Variants in ACKR2 observed in about 807,000 individuals in gnomAD.
ACKR2 encodes the protein atypical chemokine receptor 2.
For synonymous variants in ACKR2, 207 were observed against 192.2 expected, an observed-to-expected ratio of 1.08 and a Z score of -0.64; for missense variants, 457 against 477.3, an observed-to-expected ratio of 0.96 and a Z score of 0.40.
At chr3:42,862,049 G>A (rs1478173640) in intron 2 of ACKR2, among the ~76,000 whole-genome samples, 2 of 152,228 alleles carry the variant, frequency 1.3e-5, no homozygotes, top group Non-Finnish European at 2.9e-5. Context: ...AAGCGTATTC[G>A]AATAGGAAGA....
chr3:42,851,639 A>G (rs1440257706), intron 2 of ACKR2, among the ~76,000 whole-genome samples: 1 of 151,964 alleles, frequency 6.6e-6, no homozygotes, highest in Non-Finnish European at 1.5e-5. Flanking sequence ...CTGGAGAGTG[A>G]TGGGTCTTCT....
At chr3:42,840,874 G>A (rs9830658) in intron 2 of ACKR2, among the ~76,000 whole-genome samples, 2,355 of 152,220 alleles carry the variant, frequency 0.015, 61 homozygotes, top group African/African-American at 0.053. Context: ...ATTTTTAGTA[G>A]AGACAGGGTT....
intron 2 of ACKR2, among the ~76,000 whole-genome samples, chr3:42,838,017 C>T (rs1701001965): frequency 6.6e-6 from 1 of 152,042 alleles, no homozygotes; most frequent in South Asian, 2.1e-4. Flanking sequence ...TTCAAATAGC[C>T]TTCCAAGGTT....
chr3:42,821,634 CCTCT>C (rs1388642209), intron 2 of ACKR2, among the ~76,000 whole-genome samples: 2 of 152,222 alleles, frequency 1.3e-5, no homozygotes, highest in African/African-American at 4.8e-5. Context: ...CACTCTCTTG[CCTCT>C]CTATCTTTTC....
chr3:42,845,908 A>G (rs1701089825), intron 2 of ACKR2, among the ~76,000 whole-genome samples: 2 of 151,962 alleles, frequency 1.3e-5, no homozygotes, highest in South Asian at 2.1e-4. Flanking sequence ...GAAAAACAAC[A>G]TCATAAAACT....
At chr3:42,824,375 A>G (rs1395227275) in intron 2 of ACKR2, among the ~76,000 whole-genome samples, 2 of 152,200 alleles carry the variant, frequency 1.3e-5, no homozygotes, top group Non-Finnish European at 2.9e-5. Flanking sequence ...AGGGCTGACT[A>G]TATACATAAA....
chr3:42,823,602 T>C (rs1022666423), intron 2 of ACKR2, among the ~76,000 whole-genome samples: 3 of 152,202 alleles, frequency 2.0e-5, no homozygotes, highest in African/African-American at 7.2e-5. Context: ...CTTTGGGCTC[T>C]CTGCACTGTG....
chr3:42,827,580 A>G (rs1025076267), intron 2 of ACKR2, among the ~76,000 whole-genome samples: 11 of 152,136 alleles, frequency 7.2e-5, no homozygotes, highest in Non-Finnish European at 1.3e-4. Context: ...ACTACCTACA[A>G]TGGATTATGG....
intron 2 of ACKR2, among the ~76,000 whole-genome samples, chr3:42,859,020 A>C (rs1010211083): frequency 6.6e-6 from 1 of 152,146 alleles, no homozygotes; most frequent in Non-Finnish European, 1.5e-5. Flanking sequence ...GAAATATGAG[A>C]CTATGTGAAA....
chr3:42,828,823 A>G (rs1033038485), intron 2 of ACKR2, among the ~76,000 whole-genome samples: 2 of 152,226 alleles, frequency 1.3e-5, no homozygotes, highest in Non-Finnish European at 2.9e-5. Flanking sequence ...ATAGAATCAT[A>G]ATGTGAAGTA....
intron 2 of ACKR2, chr3:42,851,523 A>C (rs1477874572): frequency 2.5e-6 from 2 of 798,606 alleles, no homozygotes; most frequent in Non-Finnish European, 3.0e-6. Flanking sequence ...GGAGAGACTG[A>C]ACCCAGTGGC....
intron 2 of ACKR2, among the ~76,000 whole-genome samples, chr3:42,836,640 G>A (rs1700990112): frequency 6.6e-6 from 1 of 152,208 alleles, no homozygotes; most frequent in Admixed American, 6.5e-5. Flanking sequence ...GCCACAAGGT[G>A]CACAACCAGC....
chr3:42,864,523 G>C lies in ACKR2; in HGVS notation c.21G>C (p.Pro7=). 6.2e-7 allele frequency: 1 copy of C among 1,604,986 alleles called. No homozygotes were observed. Among genetic ancestry groups the C allele is most frequent in the Non-Finnish European group, 8.5e-7 (1 of 1,174,224 alleles). MAATAS[P]QPLATEDADS... is the part of the protein sequence containing the mutation. ...CCAACATGGCCGCCACTGCCTCTCCGCAGCCACTCGCCACTGAGGATGCCG... is the reference window on the plus strand; with the variant it reads ...CCAACATGGCCGCCACTGCCTCTCCCCAGCCACTCGCCACTGAGGATGCCG... The change falls in exon 3 of 3, where the codon CCG becomes CCC. Residue 7 remains proline, a synonymous_variant. Coordinates refer to ENST00000422265, the MANE Select transcript of ACKR2 (RefSeq NM_001296.5).
In ACKR2 at chr3:42,864,793, G is replaced by T; in HGVS notation, c.291G>T (p.Val97=). 1 of 1,614,232 alleles carries T rather than the reference G, an allele frequency of 6.2e-7. No homozygotes were observed. Among genetic ancestry groups the T allele is most frequent in the Non-Finnish European group, 8.5e-7 (1 of 1,180,044 alleles). The change falls in exon 3 of 3, where the codon GTG becomes GTT. Residue 97 remains valine, a synonymous_variant. Transcript: ENST00000422265. ...CCATCTCCAACCTTCTGTTTCTGGT[G>T]ACACTGCCCTTCTGGGGCATCTCCG... is the stretch of plus-strand genomic sequence containing the variant. ...NLAISNLLFL[V]TLPFWGISVA...
intron 2 of ACKR2, among the ~76,000 whole-genome samples, chr3:42,820,715 A>G (rs1022753821): frequency 2.0e-5 from 3 of 148,548 alleles, no homozygotes; most frequent in African/African-American, 7.4e-5. Context: ...TATGAGCACT[A>G]AAATAACAGT....
intron 2 of ACKR2, among the ~76,000 whole-genome samples, chr3:42,834,008 G>A (rs1280954016): frequency 6.6e-6 from 1 of 152,032 alleles, no homozygotes; most frequent in African/African-American, 2.4e-5. Flanking sequence ...TGTTGCCCAG[G>A]CTGGAGTGCA....
At chr3:42,856,697 G>A (rs1380881681) in intron 2 of ACKR2, among the ~76,000 whole-genome samples, 1 of 151,864 alleles carries the variant, frequency 6.6e-6, no homozygotes, top group East Asian at 2.0e-4. Context: ...GAAGTACGGG[G>A]TAGAGCTGAT....
intron 2 of ACKR2, chr3:42,856,508 T>C (rs570802298): frequency 4.4e-6 from 3 of 678,834 alleles, no homozygotes; most frequent in Non-Finnish European, 8.0e-6. Flanking sequence ...CAGAAAGGGC[T>C]AAGGAAAATG....
At chr3:42,831,683 C>T (rs1386089724) in intron 2 of ACKR2, among the ~76,000 whole-genome samples, 1 of 152,190 alleles carries the variant, frequency 6.6e-6, no homozygotes, top group Non-Finnish European at 1.5e-5. Context: ...CCCTTCTCTT[C>T]CAAATTAGTA....
Sources: allele counts gnomAD v4.1 joint callset (sites outside exome capture counted in the v4.1 genomes callset), GRCh38; gene constraint gnomAD v4.1.1; transcripts MANE v1.5; gene names NCBI Gene and HGNC (gene_info 2026-07-23, HGNC 2026-07-21).